The following AMOT variants were observed in gnomAD, a reference collection of about 807,000 sequenced individuals.
AMOT encodes the protein angiomotin.
AMOT carries 11 observed loss-of-function variants against 67.0 expected under a neutral mutation model. That is an observed-to-expected ratio of 0.16 (90% CI 0.10 to 0.27). The LOEUF (loss-of-function observed/expected upper bound fraction) is 0.27, where lower values mean the gene tolerates loss of function less well. AMOT is among the 10% of genes least tolerant of loss of function. The pLI is 1.00. For synonymous variants in AMOT, 326 were observed against 321.4 expected, an observed-to-expected ratio of 1.01 and a Z score of -0.15; for missense variants, 753 against 852.0, an observed-to-expected ratio of 0.88 and a Z score of 1.45.
chrX:112,808,428 G>A (rs1345798968), intron 7 of AMOT, among the ~76,000 whole-genome samples: 1 of 111,266 alleles, frequency 9.0e-6, no homozygotes, highest in Non-Finnish European at 1.9e-5. Context: ...CGCTTTTTGA[G>A]AGGGCTTTCC....
chrX:112,806,496 T>TG (rs941707982), intron 7 of AMOT, among the ~76,000 whole-genome samples: 4 of 109,029 alleles, frequency 3.7e-5, no homozygotes, highest in African/African-American at 1.3e-4. Context: ...GGGCAGATAA[T>TG]GGTCTTTCTG....
At chrX:112,783,194 T>C (rs1338105139) in intron 10 of AMOT, among the ~76,000 whole-genome samples, 1 of 107,963 alleles carries the variant, frequency 9.3e-6, no homozygotes, top group East Asian at 2.9e-4. Flanking sequence ...ATCTGGGAGG[T>C]TGAGGCAGGA....
chrX:112,827,671 T>G (rs1473831936), intron 2 of AMOT, among the ~76,000 whole-genome samples: 1 of 112,048 alleles, frequency 8.9e-6, no homozygotes, highest in Non-Finnish European at 1.9e-5. Flanking sequence ...GCTAAATTCT[T>G]ACTCCATTTG....
At chrX:112,832,141 C>T (rs1384799885) in intron 2 of AMOT, among the ~76,000 whole-genome samples, 153 bp downstream of exon 2, 1 of 111,377 alleles carries the variant, frequency 9.0e-6, no homozygotes, top group African/African-American at 3.3e-5. Flanking sequence ...TTGTATGCAT[C>T]CCAATACCTA....
intron 7 of AMOT, among the ~76,000 whole-genome samples, 155 bp from the exon 8 acceptor site, chrX:112,805,247 C>T (rs1934137376): frequency 9.0e-6 from 1 of 110,976 alleles, no homozygotes; most frequent in Non-Finnish European, 1.9e-5. Context: ...CTATCACTGG[C>T]TCTCTCACTA....
Sources: gnomAD v4.1 joint callset for allele counts (sites outside exome capture counted in the v4.1 genomes callset) on GRCh38, gnomAD v4.1.1 for gene constraint, MANE v1.5 for transcripts, NCBI Gene and HGNC (gene_info 2026-07-23, HGNC 2026-07-21) for gene names.